KIFC1: variants seen among roughly 807,000 people sequenced by gnomAD.
KIFC1 encodes kinesin family member C1, also known as kinesin-like protein KIFC1.
A neutral mutation model predicts 66.6 loss-of-function variants in KIFC1; 37 were observed. The ratio of observed to expected loss-of-function variants is 0.56; its 90% CI spans 0.43 to 0.73. The LOEUF is 0.73. KIFC1 is among the 30% of genes least tolerant of loss of function. KIFC1 has a pLI of 0.00. For missense variants in KIFC1, 721 were observed against 859.8 expected (o/e 0.84, Z 2.02); for synonymous variants, 325 against 343.5 (o/e 0.95, Z 0.60).
chr6:33,406,025 T>C lies in KIFC1; in HGVS notation c.1537-171T>C, dbSNP rs1775632197. Among the ~76,000 whole-genome samples, 1 of 152,122 alleles carries C rather than the reference T, an allele frequency of 6.6e-6. No individual in the cohort carries two copies. Among genetic ancestry groups the C allele is most frequent in the African/African-American group, 2.4e-5 (1 of 41,432 alleles). On this transcript the variant is annotated intron_variant, in intron 7 of 10. Coordinates refer to ENST00000428849, the MANE Select transcript of KIFC1 (RefSeq NM_002263.4). This position sits in a 1 kb window ranked among gnomAD's most constrained non-coding sequence, Gnocchi z 4.5. ...TGTTCCCCACCCCGCCTTTATACAC[T>C]CCCTATTCTATGTATTCCTTACCAT...
Position 33,400,303 on chromosome 6 carries a change from A to T in KIFC1, c.250+1916A>T. ...CTTTCTGTCTCTTGGTGGTTTCTTG[A>T]GGGCTTTGATGATCGGGGCAGAGGC... On this transcript the variant is annotated intron_variant, in intron 3 of 10. Transcript: ENST00000428849. This position sits in a 1 kb window ranked among gnomAD's most constrained non-coding sequence, Gnocchi z 4.3. 1 of 1,577,860 alleles carries T rather than the reference A, an allele frequency of 6.3e-7. No individual in the cohort carries two copies. Among genetic ancestry groups the T allele is most frequent in the Non-Finnish European group, 8.6e-7 (1 of 1,161,692 alleles).
rs1419260422 is a variant in KIFC1 at position 33,403,272 on chromosome 6, G to A, written c.251-42G>A. ...CTAGCAAGTGTACATGCCATCTTAA[G>A]AATGATCATTCTACCTTTGCTCTCT... On this transcript the variant is annotated intron_variant, in intron 3 of 10. Coordinates refer to ENST00000428849, the MANE Select transcript of KIFC1 (RefSeq NM_002263.4). The surrounding 1 kb of genome is among the most constrained non-coding windows in gnomAD (Gnocchi z 4.6). The A allele has an allele frequency of 6.4e-7, 1 of 1,570,170 alleles. No individual in the cohort carries two copies. Among genetic ancestry groups the A allele is most frequent in the Admixed American group, 1.7e-5 (1 of 59,950 alleles).
rs1775305419 is a variant in KIFC1 at position 33,400,274 on chromosome 6, GTTTC to G, written c.250+1893_250+1896del. On this transcript the variant is annotated intron_variant, in intron 3 of 10. Transcript: ENST00000428849. This position sits in a 1 kb window ranked among gnomAD's most constrained non-coding sequence, Gnocchi z 4.3. ...TTCCCATTGTGTTTAATGTTTTTCT[GTTTC>G]TTTCTGTCTCTTGGTGGTTTCTTGA... The G allele has an allele frequency of 4.5e-6, 7 of 1,570,540 alleles. No individual in the cohort carries two copies. The highest frequency in any genetic ancestry group is 2.2e-5 in the East Asian group (1 of 44,652).
At chr6:33,407,547 G>T (rs781770845) in intron 10 of KIFC1, among the ~76,000 whole-genome samples, 5 of 152,204 alleles carry the variant, frequency 3.3e-5, no homozygotes, top group Non-Finnish European at 7.3e-5. Flanking sequence ...CACTTGGATT[G>T]TTTCCACACT....
rs141821606 is a variant in KIFC1 at position 33,405,165 on chromosome 6, G to A, written c.1070G>A (p.Arg357His). The change falls in exon 7 of 11, where the codon CGT (arginine) becomes CAT (histidine). Residue 357 changes from arginine to histidine, a missense_variant. Transcript: ENST00000428849. This position sits in a 1 kb window ranked among gnomAD's most constrained non-coding sequence, Gnocchi z 5.4. ...AGCCTCTCCCGGTCTGACGAGCGGCGTGGGACCCTGAGTGGGGCACCAGCT... is the reference window on the plus strand; with the variant it reads ...AGCCTCTCCCGGTCTGACGAGCGGCATGGGACCCTGAGTGGGGCACCAGCT... ...RLSLSRSDER[R>H]GTLSGAPAPP... The A allele has an allele frequency of 7.4e-6, 12 of 1,613,994 alleles. No individual in the cohort carries two copies. The highest frequency in any genetic ancestry group is 1.7e-5 in the Admixed American group (1 of 60,006).
In KIFC1 at chr6:33,406,214, CTGGCCCGCCAGAATCGGGCTG is replaced by C. The variant is rs760629114; in HGVS notation, c.1564_1584del (p.Gln522_Arg528del). The C allele has an allele frequency of 4.4e-6, 7 of 1,606,836 alleles. No individual in the cohort carries two copies. Among genetic ancestry groups the C allele is most frequent in the African/African-American group, 1.3e-5 (1 of 74,774 alleles). On this transcript the variant is annotated inframe_deletion, in exon 8 of 11. Coordinates refer to ENST00000428849, the MANE Select transcript of KIFC1 (RefSeq NM_002263.4). This position sits in a 1 kb window ranked among gnomAD's most constrained non-coding sequence, Gnocchi z 4.5. ...TCCCCAGGTGGACGCCCTGCTTCAT[CTGGCCCGCCAGAATCGGGCTG>C]TGGCCCGCACAGCCCAGAATGAACG...
intron 1 of KIFC1, among the ~76,000 whole-genome samples, chr6:33,396,439 T>TC (rs1437179463): frequency 8.5e-6 from 1 of 117,774 alleles, no homozygotes; most frequent in African/African-American, 2.7e-5. Flanking sequence ...TTCTTTTCTT[T>TC]TTTTTTTTTT....
At chr6:33,409,304 T>C (rs1379215316) in intron 10 of KIFC1, among the ~76,000 whole-genome samples, 1 of 152,224 alleles carries the variant, frequency 6.6e-6, no homozygotes. Context: ...GGAGTCCTAG[T>C]TCCTAAATGG....
intron 10 of KIFC1, among the ~76,000 whole-genome samples, chr6:33,407,988 T>C (rs112380913): frequency 2.7e-3 from 413 of 152,354 alleles, no homozygotes; most frequent in African/African-American, 9.3e-3. Context: ...AGCCAGCACC[T>C]GCACCCTGAT....
At chr6:33,402,491 G>A (rs1272612160) in intron 3 of KIFC1, among the ~76,000 whole-genome samples, 2 of 152,128 alleles carry the variant, frequency 1.3e-5, no homozygotes, top group Non-Finnish European at 2.9e-5. Flanking sequence ...GGAGGCTGAG[G>A]CAGGCAGATC....
rs1453931765 is a variant in KIFC1 at position 33,404,825 on chromosome 6, G to A, written c.757-27G>A. ...TCTTCTTGGTTGCATCTTACCCTCT[G>A]TGTATGTTGTGTTCTCTTCTGGGCA... On this transcript the variant is annotated intron_variant, in intron 6 of 10. Coordinates refer to ENST00000428849, the MANE Select transcript of KIFC1 (RefSeq NM_002263.4). This position sits in a 1 kb window ranked among gnomAD's most constrained non-coding sequence, Gnocchi z 4.0. The A allele has an allele frequency of 1.3e-6, 2 of 1,573,372 alleles. No homozygotes were observed. The highest frequency in any genetic ancestry group is 1.7e-6 in the Non-Finnish European group (2 of 1,157,666).
chr6:33,403,650 G>T lies in KIFC1; in HGVS notation c.356-79G>T. Reference sequence around the variant, plus strand: ...GGAAGGAGATGTAGCATCAGGTGTGGATCCCATAAAGGCTAGAAGGGAGGA... The same window carrying T: ...GGAAGGAGATGTAGCATCAGGTGTGTATCCCATAAAGGCTAGAAGGGAGGA... On this transcript the variant is annotated intron_variant, in intron 5 of 10. Transcript: ENST00000428849. This position sits in a 1 kb window ranked among gnomAD's most constrained non-coding sequence, Gnocchi z 4.6. 2.5e-6 allele frequency: 4 copies of T among 1,580,566 alleles called. No homozygotes were observed. The highest frequency in any genetic ancestry group is 3.5e-6 in the Non-Finnish European group (4 of 1,151,014).
Position 33,400,921 on chromosome 6 carries a change from G to C in KIFC1, c.251-2393G>C, listed in dbSNP as rs1197103925. ...CCTGCCTCAGCTTCCCAAAGTGTTG[G>C]GATTACAGGCGTGAGCCACTGCGCC... On this transcript the variant is annotated intron_variant, in intron 3 of 10. Transcript: ENST00000428849. The surrounding 1 kb of genome is among the most constrained non-coding windows in gnomAD (Gnocchi z 4.3). 6.6e-6 allele frequency among the ~76,000 whole-genome samples: 1 copy of C among 152,108 alleles called. No individual in the cohort carries two copies. The highest frequency in any genetic ancestry group is 1.5e-5 in the Non-Finnish European group (1 of 68,038).
Position 33,404,120 on chromosome 6 carries a change from G to A in KIFC1, c.747G>A (p.Glu249=), listed in dbSNP as rs1382690257. The change falls in exon 6 of 11, where the codon GAG becomes GAA. Residue 249 remains glutamate, a synonymous_variant. Coordinates refer to ENST00000428849, the MANE Select transcript of KIFC1 (RefSeq NM_002263.4). This position sits in a 1 kb window ranked among gnomAD's most constrained non-coding sequence, Gnocchi z 4.0. ...EERRGLMSQL[E]EKERRLQTSE... ...GGAGGGGACTGATGTCCCAACTAGAGGAGAAGGAGGTAAGGGCCAGATTTT... is the reference window on the plus strand; with the variant it reads ...GGAGGGGACTGATGTCCCAACTAGAAGAGAAGGAGGTAAGGGCCAGATTTT... 1 of 1,608,014 alleles carries A rather than the reference G, an allele frequency of 6.2e-7. No homozygotes were observed. Among genetic ancestry groups the A allele is most frequent in the South Asian group, 1.1e-5 (1 of 90,476 alleles).
Position 33,400,142 on chromosome 6 carries a change from T to C in KIFC1, c.250+1755T>C. 3 of 1,112,008 alleles carry C rather than the reference T, an allele frequency of 2.7e-6. No individual in the cohort carries two copies. The highest frequency in any genetic ancestry group is 4.1e-6 in the Non-Finnish European group (3 of 737,252). The allele number at this position is 1,112,008 out of a possible 1,614,324, so 68.9% of individuals were successfully genotyped here. ...TGGTGGCCATCAACATTACAGCCCA[T>C]AGACTGGGCAGTCCCCGGAATCTCT... On this transcript the variant is annotated intron_variant, in intron 3 of 10. Transcript: ENST00000428849. The surrounding 1 kb of genome is among the most constrained non-coding windows in gnomAD (Gnocchi z 4.3).
rs191247353 is a variant in KIFC1, at chr6:33,397,075, C to T, written c.13-954C>T. 2.4e-3 allele frequency among the ~76,000 whole-genome samples: 339 copies of T among 142,776 alleles called. 4 individuals carry two copies. The highest frequency in any genetic ancestry group is 4.1e-3 in the Admixed American group (58 of 14,150). 93.7% of individuals were successfully genotyped at this position (142,776 alleles called of 152,430 possible). A position where few individuals can be genotyped will look rare whatever the true frequency, so the allele number is the denominator to read the frequency against. ...TGTGATCTCGGCTCACCGCAACCTCCACCAATCGTTCAAGCGATTCTCCTC... is the reference window on the plus strand; with the variant it reads ...TGTGATCTCGGCTCACCGCAACCTCTACCAATCGTTCAAGCGATTCTCCTC... On this transcript the variant is annotated intron_variant, in intron 1 of 10. Coordinates refer to ENST00000428849, the MANE Select transcript of KIFC1 (RefSeq NM_002263.4).
At chr6:33,407,089 T>A in intron 10 of KIFC1, 1 of 1,381,288 alleles carries the variant, frequency 7.2e-7, no homozygotes, top group Non-Finnish European at 9.4e-7. Context: ...AGAAAGCTGA[T>A]TAAAAAAAAA....
At chr6:33,399,758 G>A (rs1199613364) in intron 3 of KIFC1, among the ~76,000 whole-genome samples, 2 of 152,220 alleles carry the variant, frequency 1.3e-5, no homozygotes, top group East Asian at 3.8e-4. Flanking sequence ...AATGGAGCAT[G>A]TTTGAATGGA....
chr6:33,407,605 A>G (rs546629568), intron 10 of KIFC1, among the ~76,000 whole-genome samples: 2 of 152,280 alleles, frequency 1.3e-5, no homozygotes, highest in Non-Finnish European at 2.9e-5. Flanking sequence ...TACATACATC[A>G]TTTTGTATTT....
Sources: allele counts gnomAD v4.1 joint callset (sites outside exome capture counted in the v4.1 genomes callset), GRCh38; gene constraint gnomAD v4.1.1; non-coding constraint Gnocchi (gnomAD v3.1); transcripts MANE v1.5; gene names NCBI Gene and HGNC (gene_info 2026-07-23, HGNC 2026-07-21).